Variants in SVIL observed in about 807,000 individuals in gnomAD.
SVIL encodes the protein archvillin.
In SVIL, 101 loss-of-function variants were observed where a neutral mutation model predicts 240.4. The observed-to-expected ratio is 0.42, with a 90% CI of 0.36 to 0.50. The LOEUF (loss-of-function observed/expected upper bound fraction) is 0.50. Among genes scored for constraint, SVIL ranks in the 20% least tolerant of loss-of-function variants. The pLI, the probability that SVIL is intolerant of heterozygous loss-of-function variation, is 0.01. For missense variants in SVIL, 2,512 were observed against 2,818.7 expected (o/e 0.89, Z 2.46); for synonymous variants, 999 against 1,100.0 (o/e 0.91, Z 1.82).
At chr10:29,509,329 G>C (rs1272504001) in intron 17 of SVIL, among the ~76,000 whole-genome samples, 1 of 95,416 alleles carries the variant, frequency 1.0e-5, no homozygotes, top group Non-Finnish European at 2.2e-5. Flanking sequence ...AGGAGGGGGA[G>C]GGAGAGAGAG....
intron 16 of SVIL, among the ~76,000 whole-genome samples, chr10:29,517,741 T>C (rs1887001): frequency 0.44 from 67,284 of 152,100 alleles, 15,582 homozygotes; most frequent in African/African-American, 0.56. Context: ...AGTCCTTACA[T>C]GCCACCAATT....
chr10:29,655,937 A>C (rs1230107821), intron 3 of SVIL, among the ~76,000 whole-genome samples: 2 of 142,808 alleles, frequency 1.4e-5, no homozygotes, highest in African/African-American at 5.3e-5. Flanking sequence ...CAGTGGCATG[A>C]TCTTGGCTCA....
At chr10:29,556,233 G>A (rs374766651) in intron 3 of SVIL, among the ~76,000 whole-genome samples, 148 of 152,262 alleles carry the variant, frequency 9.7e-4, no homozygotes, top group African/African-American at 3.3e-3. Context: ...TCATAAGGGC[G>A]CATCTGAGTG....
intron 6 of SVIL, among the ~76,000 whole-genome samples, chr10:29,539,197 A>G (rs954570832): frequency 1.3e-5 from 2 of 150,110 alleles, no homozygotes; most frequent in Non-Finnish European, 3.0e-5. Flanking sequence ...ATAAATAAAT[A>G]AACAAACAAA....
At chr10:29,507,121 T>G in intron 17 of SVIL, among the ~76,000 whole-genome samples, 1 of 152,118 alleles carries the variant, frequency 6.6e-6, no homozygotes, top group East Asian at 1.9e-4. Context: ...TGGTCTCTAG[T>G]TTTAATAGGG....
chr10:29,560,964 G>A (rs1039947654), intron 3 of SVIL, among the ~76,000 whole-genome samples: 4 of 151,534 alleles, frequency 2.6e-5, no homozygotes, highest in Non-Finnish European at 5.9e-5. Context: ...TCAGCCTCCC[G>A]AGTAGCTGGG....
intron 6 of SVIL, among the ~76,000 whole-genome samples, chr10:29,541,466 C>A (rs559314501): frequency 9.2e-5 from 14 of 152,234 alleles, no homozygotes; most frequent in African/African-American, 2.6e-4. Context: ...AATATGTCAT[C>A]GTTGGGTTAC....
chr10:29,507,019 C>T (rs1949410905), intron 17 of SVIL, among the ~76,000 whole-genome samples: 1 of 152,140 alleles, frequency 6.6e-6, no homozygotes, highest in Admixed American at 6.5e-5. Context: ...GTTATTCACC[C>T]ACACAGTGGC....
intron 32 of SVIL, among the ~76,000 whole-genome samples, chr10:29,469,600 C>T (rs890351046): frequency 1.3e-5 from 2 of 152,182 alleles, no homozygotes; most frequent in Non-Finnish European, 2.9e-5. Flanking sequence ...ACCGGGGGGG[C>T]CGGCCACCAC....
At chr10:29,520,160 G>T (rs16930380) in intron 16 of SVIL, among the ~76,000 whole-genome samples, 274 of 152,278 alleles carry the variant, frequency 1.8e-3, no homozygotes, top group Non-Finnish European at 2.9e-3. Flanking sequence ...AGATGGGAAG[G>T]CTCCTTTAAA....
chr10:29,655,533 G>T (rs1412319644), intron 3 of SVIL, among the ~76,000 whole-genome samples: 2 of 152,160 alleles, frequency 1.3e-5, no homozygotes, highest in Non-Finnish European at 2.9e-5. Context: ...CACAGCAAGG[G>T]TGGGTCTTCC....
chr10:29,491,225 C>G (rs1385296515), intron 21 of SVIL, among the ~76,000 whole-genome samples: 1 of 152,182 alleles, frequency 6.6e-6, no homozygotes, highest in Admixed American at 6.5e-5. Flanking sequence ...CTCAGCCACA[C>G]CCGGATGCCC....
At chr10:29,540,862 A>G (rs1210641542) in intron 6 of SVIL, among the ~76,000 whole-genome samples, 2 of 152,184 alleles carry the variant, frequency 1.3e-5, no homozygotes, top group African/African-American at 4.8e-5. Context: ...TATCAAATCA[A>G]AGGAGTCAGG....
chr10:29,577,245 T>C (rs11007658), intron 1 of SVIL, among the ~76,000 whole-genome samples: 83,218 of 151,970 alleles, frequency 0.55, 23,449 homozygotes, highest in African/African-American at 0.69. Flanking sequence ...CAGATAAGTT[T>C]TTCAGTGGTG....
intron 1 of SVIL, among the ~76,000 whole-genome samples, chr10:29,577,690 G>T (rs2132751972): frequency 6.6e-6 from 1 of 152,210 alleles, no homozygotes; most frequent in Admixed American, 6.5e-5. Flanking sequence ...TTTCCTTTGG[G>T]TAGATACCCA....
At chr10:29,733,954 C>G (rs1345880538) in intron 1 of SVIL, among the ~76,000 whole-genome samples, 1 of 152,230 alleles carries the variant, frequency 6.6e-6, no homozygotes, top group East Asian at 1.9e-4. Context: ...ACTTATCAGT[C>G]AGTAAGGTGG....
At chr10:29,578,821 T>G (rs1284360149) in intron 1 of SVIL, among the ~76,000 whole-genome samples, 1 of 152,204 alleles carries the variant, frequency 6.6e-6, no homozygotes, top group Non-Finnish European at 1.5e-5. Context: ...TATCCTTAAA[T>G]TTCTCCCATT....
rs764953335 is a variant in SVIL at position 29,551,215 on chromosome 10, T to G, written c.209A>C (p.Gln70Pro). 1 of 1,609,824 alleles carries G rather than the reference T, an allele frequency of 6.2e-7. No individual in the cohort carries two copies. Among genetic ancestry groups the G allele is most frequent in the South Asian group, 1.1e-5 (1 of 90,332 alleles). Residue 70 changes from glutamine to proline, a missense_variant, in exon 6 of 38, where the codon CAA becomes CCA. Coordinates refer to ENST00000355867, the MANE Select transcript of SVIL (RefSeq NM_021738.3). ...TTCTGTGCAGTATTTGGATCGAGTT[T>G]GCTTTTCTAGAGAAGAATCAGAAGT... Reference protein sequence around the residue: ...EETSDSSLEKQTRSKYCTETS... With the variant: ...EETSDSSLEKPTRSKYCTETS...
At chr10:29,709,603 G>C (rs1327135361) in intron 1 of SVIL, among the ~76,000 whole-genome samples, 1 of 152,262 alleles carries the variant, frequency 6.6e-6, no homozygotes, top group South Asian at 2.1e-4. Flanking sequence ...TTCTCCTATG[G>C]GGTATGCTCT....
Sources: allele counts gnomAD v4.1 joint callset (sites outside exome capture counted in the v4.1 genomes callset), GRCh38; gene constraint gnomAD v4.1.1; transcripts MANE v1.5; gene names NCBI Gene and HGNC (gene_info 2026-07-23, HGNC 2026-07-21).